Variants in ABCC9 observed in about 807,000 individuals in gnomAD.
ABCC9 encodes ATP-binding cassette sub-family C member 9.
Under a neutral mutation model 188.3 loss-of-function variants are expected in ABCC9, and 95 were observed. That is an observed-to-expected ratio of 0.50 (90% CI 0.43 to 0.60). The LOEUF (loss-of-function observed/expected upper bound fraction) is 0.60. Ranked by LOEUF, ABCC9 falls within the 20% of genes least tolerant of loss-of-function variation. ABCC9 has a pLI of 0.00. For missense variants in ABCC9, 1,102 were observed against 1,876.3 expected (o/e 0.59, Z 7.62); for synonymous variants, 659 against 652.7 (o/e 1.01, Z -0.15).
chr12:21,899,892 T>C (rs1244004973), intron 12 of ABCC9, among the ~76,000 whole-genome samples: 1 of 152,180 alleles, frequency 6.6e-6, no homozygotes, highest in Non-Finnish European at 1.5e-5. Context: ...GGGCAGGGCA[T>C]AGCCAAACAA....
chr12:21,878,354 T>C (rs1206966541), intron 16 of ABCC9, among the ~76,000 whole-genome samples: 2 of 152,114 alleles, frequency 1.3e-5, no homozygotes, highest in African/African-American at 2.4e-5. Flanking sequence ...CGTGATATGA[T>C]GAAGAATGCT....
intron 39 of ABCC9, among the ~76,000 whole-genome samples, chr12:21,802,606 C>G (rs1941532664): frequency 6.6e-6 from 1 of 152,174 alleles, no homozygotes; most frequent in African/African-American, 2.4e-5. Context: ...ACTTATGGCA[C>G]TTCTCAATTC....
intron 22 of ABCC9, among the ~76,000 whole-genome samples, chr12:21,858,449 T>C (rs1214644746): frequency 6.6e-6 from 1 of 151,506 alleles, no homozygotes; most frequent in East Asian, 1.9e-4. Flanking sequence ...TATGGTGGTA[T>C]GCACCTGTAA....
At chr12:21,826,912 G>A (rs1253773180) in intron 31 of ABCC9, among the ~76,000 whole-genome samples, 2 of 152,132 alleles carry the variant, frequency 1.3e-5, no homozygotes, top group East Asian at 1.9e-4. Context: ...CTAGTAATAA[G>A]ACTAGATTGC....
rs1941365629 is a variant in ABCC9, at chr12:21,800,246, A to G, written c.*798T>C. ...TGGCATGTTAGGGCTCAAGATCATA[A>G]CCACAGCTAATCATTAAACTATAGA... is the stretch of plus-strand genomic sequence containing the variant. On this transcript the variant is annotated 3_prime_UTR_variant, in exon 40 of 40. Coordinates refer to ENST00000261200, the MANE Select transcript of ABCC9 (RefSeq NM_020297.4). 6.6e-6 allele frequency: 1 copy of G among 152,182 alleles called. No individual in the cohort carries two copies. Among genetic ancestry groups the G allele is most frequent in the South Asian group, 2.1e-4 (1 of 4,830 alleles). The allele number at this position is 152,182 out of a possible 1,614,324, so 9.4% of individuals were successfully genotyped here.
intron 32 of ABCC9, among the ~76,000 whole-genome samples, chr12:21,817,817 C>G (rs1460675147): frequency 6.6e-6 from 1 of 152,156 alleles, no homozygotes; most frequent in Non-Finnish European, 1.5e-5. Context: ...AACCTTTCCT[C>G]TAACGTCCAT....
rs374491127 is a variant in ABCC9, at chr12:21,872,488, AT to A, written c.2198+136del. 4.6e-3 allele frequency: 2,915 copies of A among 629,290 alleles called. 9 individuals carry two copies. Among genetic ancestry groups the A allele is most frequent in the African/African-American group, 0.021 (1,144 of 53,794 alleles). The allele number at this position is 629,290 out of a possible 1,614,324, so 39.0% of individuals were successfully genotyped here. On this transcript the variant is annotated intron_variant, in intron 18 of 39. Transcript: ENST00000261200. ...TTTATGACTTTTAAGGTTTCCATCA[AT>A]TTTTTTTTTAAAGCTGTGCTTATTT...
intron 22 of ABCC9, among the ~76,000 whole-genome samples, chr12:21,852,992 G>A (rs1394753111): frequency 1.3e-5 from 2 of 152,106 alleles, no homozygotes; most frequent in Non-Finnish European, 2.9e-5. Context: ...AATTGTACTT[G>A]AATTCTAGAT....
intron 31 of ABCC9, among the ~76,000 whole-genome samples, chr12:21,824,843 T>A (rs761443662): frequency 1.3e-5 from 2 of 152,180 alleles, no homozygotes; most frequent in Non-Finnish European, 2.9e-5. Context: ...TGATATCCCC[T>A]TTATCATTTT....
intron 16 of ABCC9, among the ~76,000 whole-genome samples, chr12:21,876,350 T>C (rs1430327082): frequency 6.6e-6 from 1 of 152,192 alleles, no homozygotes; most frequent in Non-Finnish European, 1.5e-5. Flanking sequence ...TGCCAGACAA[T>C]TCCCCAAATC....
At chr12:21,838,027 T>C in intron 30 of ABCC9, 51 bp downstream of exon 30, 1 of 1,354,864 alleles carries the variant, frequency 7.4e-7, no homozygotes, top group East Asian at 2.3e-5. Context: ...GAAAAATATT[T>C]GTTGATGATG....
intron 22 of ABCC9, among the ~76,000 whole-genome samples, chr12:21,857,270 AT>A (rs961682133): frequency 1.3e-5 from 2 of 152,180 alleles, no homozygotes; most frequent in Non-Finnish European, 2.9e-5. Flanking sequence ...TATACAAAAT[AT>A]GTTATTTGTG....
intron 30 of ABCC9, chr12:21,830,975 T>TATCTATCC (rs1429664529): frequency 1.0e-3 from 1 of 986 alleles, no homozygotes; most frequent in Non-Finnish European, 2.4e-3. Context: ...CCATAAAGAT[T>TATCTATCC]ATCTATCTAT....
intron 16 of ABCC9, among the ~76,000 whole-genome samples, chr12:21,876,854 A>G (rs1314356420): frequency 6.6e-6 from 1 of 152,240 alleles, no homozygotes; most frequent in African/African-American, 2.4e-5. Context: ...CTGAATTATA[A>G]CTACATATAA....
intron 25 of ABCC9, among the ~76,000 whole-genome samples, chr12:21,847,025 C>T (rs1944705403): frequency 6.6e-6 from 1 of 152,022 alleles, no homozygotes; most frequent in Non-Finnish European, 1.5e-5. Context: ...TCTTTTCTTC[C>T]CCTACTGTTG....
chr12:21,803,848 A>G (rs114956096), intron 39 of ABCC9, among the ~76,000 whole-genome samples: 3 of 152,128 alleles, frequency 2.0e-5, no homozygotes, highest in Admixed American at 6.6e-5. Context: ...ACCATGGACT[A>G]TTTTGGTGTG....
chr12:21,886,643 G>T (rs538228147), intron 15 of ABCC9, among the ~76,000 whole-genome samples: 1 of 152,114 alleles, frequency 6.6e-6, no homozygotes, highest in East Asian at 1.9e-4. Context: ...TCCCTACTTT[G>T]AAACCTTCCA....
chr12:21,915,973 A>T, intron 6 of ABCC9, 63 bp from the exon 7 acceptor site: 1 of 1,524,604 alleles, frequency 6.6e-7, no homozygotes, highest in Non-Finnish European at 8.9e-7. Context: ...TATTAAAAAT[A>T]AAATTTCAAC....
chr12:21,880,408 A>G (rs1305484613), intron 16 of ABCC9, among the ~76,000 whole-genome samples: 15 of 152,168 alleles, frequency 9.9e-5, no homozygotes, highest in Admixed American at 9.8e-4. Flanking sequence ...CTATATTAAA[A>G]TTAAGAACTT....
Sources: allele counts gnomAD v4.1 joint callset (sites outside exome capture counted in the v4.1 genomes callset), GRCh38; gene constraint gnomAD v4.1.1; transcripts MANE v1.5; gene names NCBI Gene and HGNC (gene_info 2026-07-23, HGNC 2026-07-21).